The following NOP9 variants were observed in gnomAD, a reference collection of about 807,000 sequenced individuals.
The protein encoded by NOP9 is nucleolar protein 9.
In NOP9, 50 loss-of-function variants were observed where a neutral mutation model predicts 63.0. The ratio of observed to expected loss-of-function variants is 0.79; its 90% CI spans 0.63 to 1.00. The LOEUF is 1.00. Ranked by LOEUF, NOP9 falls within the 50% of genes least tolerant of loss-of-function variation. The pLI is 0.00. For missense variants in NOP9, 758 were observed against 803.0 expected, an observed-to-expected ratio of 0.94 and a Z score of 0.68; for synonymous variants, 343 against 332.8, an observed-to-expected ratio of 1.03 and a Z score of -0.33.
At position 24,307,459 on chromosome 14, in the gene NOP9, G is replaced by T; in HGVS notation, c.*2364G>T. 6.2e-7 allele frequency: 1 copy of T among 1,614,100 alleles called. No individual in the cohort carries two copies. The highest frequency in any genetic ancestry group is 8.5e-7 in the Non-Finnish European group (1 of 1,180,000). On this transcript the variant is annotated 3_prime_UTR_variant, in exon 10 of 10. Coordinates refer to ENST00000267425, the MANE Select transcript of NOP9 (RefSeq NM_174913.3). Reference sequence around the variant, plus strand: ...ACAGACACGGAAAGGTCGCTGGGGTGGTGGAGCTGAGGTCCAGACCCTCCG... The same window carrying T: ...ACAGACACGGAAAGGTCGCTGGGGTTGTGGAGCTGAGGTCCAGACCCTCCG...
At chr14:24,291,604 C>T in the NOP9 span, 1 of 1,614,234 alleles carries the variant, frequency 6.2e-7, no homozygotes, top group South Asian at 1.1e-5. Flanking sequence ...GTGGTTTCCG[C>T]AGATGAGAAG....
chr14:24,298,893 G>A, upstream of NOP9: 1 of 1,515,956 alleles, frequency 6.6e-7, no homozygotes, highest in Non-Finnish European at 9.0e-7. Context: ...TAGGAAAGGA[G>A]CTGTTAAGTG....
the NOP9 span, among the ~76,000 whole-genome samples, chr14:24,285,818 G>T: frequency 6.6e-6 from 1 of 151,974 alleles, no homozygotes; most frequent in African/African-American, 2.4e-5. Context: ...GTGAAACCCG[G>T]TCTCTACTAA....
rs2041556480 is a variant in NOP9 at position 24,307,584 on chromosome 14, G to A, written c.*2489G>A. 5 of 1,552,372 alleles carry A rather than the reference G, an allele frequency of 3.2e-6. No individual in the cohort carries two copies. In the Admixed American group the frequency reaches 8.7e-5, roughly 27 times the overall value. ...TGGTGAGTGTAAAGGGCATGATGAG[G>A]GTAGAGTGGCTAGAGGGCTAGGGAG... On this transcript the variant is annotated 3_prime_UTR_variant, in exon 10 of 10. Coordinates refer to ENST00000267425, the MANE Select transcript of NOP9 (RefSeq NM_174913.3).
the NOP9 span, among the ~76,000 whole-genome samples, chr14:24,279,601 A>G: frequency 1.3e-5 from 2 of 152,208 alleles, no homozygotes; most frequent in Non-Finnish European, 2.9e-5. Context: ...GTTGAGGGAA[A>G]AGCAACCAAG....
At chr14:24,301,880 C>G in intron 3 of NOP9, 85 bp from the exon 4 acceptor site, 2 of 1,485,376 alleles carry the variant, frequency 1.3e-6, no homozygotes, top group Non-Finnish European at 1.9e-6. Context: ...TCCATAGTGC[C>G]CTGTATCTTG....
chr14:24,288,753 A>C, the NOP9 span, among the ~76,000 whole-genome samples: 1 of 152,196 alleles, frequency 6.6e-6, no homozygotes, highest in South Asian at 2.1e-4. Flanking sequence ...AGTTTATATG[A>C]GTTTGAAGTC....
chr14:24,291,635 AG>A, the NOP9 span: 2 of 1,613,574 alleles, frequency 1.2e-6, no homozygotes, highest in Non-Finnish European at 1.7e-6. Flanking sequence ...ACTGAAACAC[AG>A]GGGCAGAGAA....
the NOP9 span, chr14:24,291,333 G>C: frequency 8.2e-7 from 1 of 1,219,478 alleles, no homozygotes; most frequent in Non-Finnish European, 1.2e-6. Context: ...GATCCCTGGA[G>C]AGCTCTTTCT....
In NOP9 at chr14:24,299,904, T is replaced by G. The variant is rs750613066; in HGVS notation, c.-51T>G. 1 of 1,499,656 alleles carries G rather than the reference T, an allele frequency of 6.7e-7. No individual in the cohort carries two copies. Among genetic ancestry groups the G allele is most frequent in the Non-Finnish European group, 8.9e-7 (1 of 1,126,636 alleles). The allele number at this position is 1,499,656 out of a possible 1,614,324, so 92.9% of individuals were successfully genotyped here. On this transcript the variant is annotated 5_prime_UTR_variant, in exon 1 of 10. Transcript: ENST00000267425. Reference sequence around the variant, plus strand: ...GGCGCACGCTTGGCGACGTCGAAGGTCCGTCCGCAGTTAAGGAAGCTTTTG... The same window carrying G: ...GGCGCACGCTTGGCGACGTCGAAGGGCCGTCCGCAGTTAAGGAAGCTTTTG...
Position 24,304,234 on chromosome 14 carries a change from C to T in NOP9, c.1604C>T (p.Ser535Phe). 1 of 1,614,180 alleles carries T rather than the reference C, an allele frequency of 6.2e-7. No homozygotes were observed. The change falls in exon 8 of 10, where the codon TCT (serine) becomes TTT (phenylalanine). Residue 535 changes from serine to phenylalanine, a missense_variant. By Grantham distance (155) the Ser-to-Phe change is radical. Coordinates refer to ENST00000267425, the MANE Select transcript of NOP9 (RefSeq NM_174913.3). ...CTCGATGCCATCCTGACCAGCCCCTCTGTGACGCGCAAGCTGCGCCGCCGT... is the reference window on the plus strand; with the variant it reads ...CTCGATGCCATCCTGACCAGCCCCTTTGTGACGCGCAAGCTGCGCCGCCGT... ...HVLDAILTSPSVTRKLRRRVL... is the reference protein window; with the variant it reads ...HVLDAILTSPFVTRKLRRRVL...
rs375215967 is a variant in NOP9, at chr14:24,302,394, C to T, written c.1113C>T (p.Arg371=). The T allele has an allele frequency of 1.9e-6, 3 of 1,613,116 alleles. No individual in the cohort carries two copies. The highest frequency in any genetic ancestry group is 2.5e-6 in the Non-Finnish European group (3 of 1,179,382). The change falls in exon 5 of 10, where the codon CGC becomes CGT. Residue 371 remains arginine (R), a synonymous_variant. Coordinates refer to ENST00000267425, the MANE Select transcript of NOP9 (RefSeq NM_174913.3). ...AHPIANFPLQ[R]LLDAVTTPEL... ...CCATTGCCAACTTCCCTTTGCAGCG[C>T]TTACTGGATGCAGTCACTACCCCTG...
In NOP9 at chr14:24,302,095, A is replaced by G. The variant is rs2041388830; in HGVS notation, c.939A>G (p.Ser313=). The G allele has an allele frequency of 6.2e-7, 1 of 1,613,518 alleles. No individual in the cohort carries two copies. Among genetic ancestry groups the G allele is most frequent in the Non-Finnish European group, 8.5e-7 (1 of 1,179,684 alleles). Residue 313 remains serine, a synonymous_variant, in exon 4 of 10, where the codon TCA becomes TCG. Transcript: ENST00000267425. ...VIGYLSTRGS[S]VDGSPLLLFL... ...GCTACCTGAGTACTCGCGGTTCCTCAGTAGATGGCAGGTATGGTCAGGGCC... is the reference window on the plus strand; with the variant it reads ...GCTACCTGAGTACTCGCGGTTCCTCGGTAGATGGCAGGTATGGTCAGGGCC...
upstream of NOP9, chr14:24,299,796 C>T: frequency 1.0e-6 from 1 of 953,664 alleles, no homozygotes. Context: ...ACACACCCAC[C>T]CCGCCCGGCT....
In NOP9 at chr14:24,304,568, A is replaced by G; in HGVS notation, c.1723A>G (p.Arg575Gly). ...TGCCATCTGGAGTGGAGCAGCCTTG[A>G]GGGCCCGGAAGGAAATTGCTGCTGA... ...LDAIWSGAALRARKEIAAELG... is the reference protein window; with the variant it reads ...LDAIWSGAALGARKEIAAELG... The change falls in exon 9 of 10, where the codon AGG (arginine) becomes GGG (glycine). Residue 575 changes from arginine (R) to glycine (G), a missense_variant. Coordinates refer to ENST00000267425, the MANE Select transcript of NOP9 (RefSeq NM_174913.3). 2 of 1,612,388 alleles carry G rather than the reference A, an allele frequency of 1.2e-6. No homozygotes were observed. Among genetic ancestry groups the G allele is most frequent in the Non-Finnish European group, 1.7e-6 (2 of 1,179,496 alleles).
chr14:24,281,143 G>A, the NOP9 span, among the ~76,000 whole-genome samples: 1 of 152,184 alleles, frequency 6.6e-6, no homozygotes, highest in Non-Finnish European at 1.5e-5. Flanking sequence ...CCCTACAGAG[G>A]CATCCAAGGC....
chr14:24,280,608 T>G, the NOP9 span, among the ~76,000 whole-genome samples: 1 of 152,236 alleles, frequency 6.6e-6, no homozygotes, highest in Admixed American at 6.5e-5. Context: ...CCAACAATTA[T>G]TGAGCGCCAG....
Position 24,306,013 on chromosome 14 carries a change from G to A in NOP9, c.*918G>A. 6.2e-7 allele frequency: 1 copy of A among 1,614,150 alleles called. No homozygotes were observed. The highest frequency in any genetic ancestry group is 8.5e-7 in the Non-Finnish European group (1 of 1,180,018). On this transcript the variant is annotated 3_prime_UTR_variant, in exon 10 of 10. Transcript: ENST00000267425. ...CATAGAGTAGAGCCCGTAGAATGTG[G>A]CTTTGACATTCAGGCTGCCAAAGAG...
At chr14:24,290,173 C>T in the NOP9 span, among the ~76,000 whole-genome samples, 5 of 152,234 alleles carry the variant, frequency 3.3e-5, no homozygotes, top group African/African-American at 9.6e-5. Flanking sequence ...AGAACCATCC[C>T]GAGAGGAAGG....
Sources: gnomAD v4.1 joint callset for allele counts (sites outside exome capture counted in the v4.1 genomes callset) on GRCh38, gnomAD v4.1.1 for gene constraint, MANE v1.5 for transcripts, NCBI Gene and HGNC (gene_info 2026-07-23, HGNC 2026-07-21) for gene names.